MAP3K7CL: variants seen among roughly 807,000 people sequenced by gnomAD.
MAP3K7CL encodes MAP3K7 C-terminal-like protein.
In MAP3K7CL, 16 loss-of-function variants were observed where a neutral mutation model predicts 18.6. The ratio of observed to expected loss-of-function variants is 0.86; its 90% CI spans 0.58 to 1.31. MAP3K7CL has a LOEUF of 1.31. Ranked by LOEUF, MAP3K7CL falls within the 50% of genes most tolerant of loss-of-function variation. The probability of loss-of-function intolerance (pLI) is 0.00; values close to 1 mark genes in which losing one functional copy is unlikely to be tolerated. For synonymous variants in MAP3K7CL, 65 were observed against 66.8 expected (o/e 0.97, Z 0.13); for missense variants, 163 against 174.4 (o/e 0.93, Z 0.37).
At chr21:29,127,427 A>G (rs1042582417), upstream of MAP3K7CL, among the ~76,000 whole-genome samples, 2 of 152,182 alleles carry the variant, frequency 1.3e-5, no homozygotes, top group African/African-American at 4.8e-5. Context: ...CCATGTAGTT[A>G]TTTTGGGTTT....
chr21:29,130,307 C>T (rs1157795986), upstream of MAP3K7CL, among the ~76,000 whole-genome samples: 1 of 152,220 alleles, frequency 6.6e-6, no homozygotes, highest in Non-Finnish European at 1.5e-5. Context: ...AACATGGGCT[C>T]AACCTCAAAC....
At chr21:29,171,457 G>A (rs2087824443) in intron 4 of MAP3K7CL, among the ~76,000 whole-genome samples, 1 of 152,166 alleles carries the variant, frequency 6.6e-6, no homozygotes, top group Admixed American at 6.5e-5. Flanking sequence ...TTTACTCCTT[G>A]TCTTTTTTTC....
chr21:29,134,943 C>T (rs1300321316), intron 2 of MAP3K7CL, among the ~76,000 whole-genome samples: 2 of 151,658 alleles, frequency 1.3e-5, no homozygotes, highest in Non-Finnish European at 2.9e-5. Flanking sequence ...CCCAGCTACT[C>T]GGGAGGCTGA....
intron 4 of MAP3K7CL, among the ~76,000 whole-genome samples, chr21:29,119,517 G>A (rs563954415): frequency 4.6e-5 from 7 of 152,130 alleles, no homozygotes; most frequent in East Asian, 3.9e-4. Flanking sequence ...TTTTATTGTC[G>A]TCCTGAAGGG....
chr21:29,110,126 A>G (rs1167866329), intron 4 of MAP3K7CL, among the ~76,000 whole-genome samples: 1 of 152,112 alleles, frequency 6.6e-6, no homozygotes, highest in Non-Finnish European at 1.5e-5. Context: ...TTCTTTTACT[A>G]TCTTCCATTA....
At chr21:29,157,883 T>G (rs2087446146) in intron 3 of MAP3K7CL, among the ~76,000 whole-genome samples, 1 of 152,222 alleles carries the variant, frequency 6.6e-6, no homozygotes, top group Non-Finnish European at 1.5e-5. Context: ...AAAAGACATA[T>G]CTCCCTTTAC....
intron 4 of MAP3K7CL, among the ~76,000 whole-genome samples, chr21:29,164,693 G>A (rs1476736324): frequency 2.0e-5 from 3 of 152,298 alleles, no homozygotes; most frequent in African/African-American, 7.2e-5. Context: ...CCAATTTAAA[G>A]AATCGCTTCT....
chr21:29,088,395 C>T (rs964027243), intron 1 of MAP3K7CL, among the ~76,000 whole-genome samples: 18 of 152,140 alleles, frequency 1.2e-4, no homozygotes, highest in Non-Finnish European at 1.8e-4. Flanking sequence ...TTACAGATTG[C>T]ATTACATTTT....
At chr21:29,151,438 C>T (rs538730884) in intron 3 of MAP3K7CL, among the ~76,000 whole-genome samples, 13 of 152,142 alleles carry the variant, frequency 8.5e-5, no homozygotes, top group African/African-American at 3.1e-4. Flanking sequence ...CGTACCACTG[C>T]ACTCCAGCCT....
chr21:29,109,544 TTACTC>T lies in MAP3K7CL; in HGVS notation c.370+16968_370+16972del, dbSNP rs753582850. ...TTTGACCAGCAATTCCATAAGTACT[TTACTC>T]TACTGAAATCCATTTTTTGATTTAT... On this transcript the variant is annotated intron_variant, in intron 4 of 6. Coordinates refer to the MAP3K7CL transcript ENST00000286791. The T allele has an allele frequency of 1.0e-4, 104 of 1,037,790 alleles. No homozygotes were observed. The Middle Eastern group carries it at 1.4e-3, about 14-fold the overall frequency. The allele number at this position is 1,037,790 out of a possible 1,614,324, so 64.3% of individuals were successfully genotyped here.
chr21:29,083,871 T>C (rs1169214338), upstream of MAP3K7CL, among the ~76,000 whole-genome samples: 2 of 150,512 alleles, frequency 1.3e-5, no homozygotes, highest in Non-Finnish European at 3.0e-5. Flanking sequence ...TGTGTGTATG[T>C]AATATATATA....
chr21:29,109,724 A>G (rs1368002512), intron 4 of MAP3K7CL: 1 of 985,828 alleles, frequency 1.0e-6, no homozygotes, highest in Non-Finnish European at 1.2e-6. Flanking sequence ...CCTTATACAA[A>G]CAGTTATATC....
At chr21:29,171,640 T>C (rs2087829445) in intron 4 of MAP3K7CL, among the ~76,000 whole-genome samples, 2 of 151,954 alleles carry the variant, frequency 1.3e-5, no homozygotes, top group African/African-American at 4.8e-5. Flanking sequence ...AAACCCCATC[T>C]CTACTAAAAA....
chr21:29,163,000 A>T (rs1441161643), intron 4 of MAP3K7CL, among the ~76,000 whole-genome samples: 2 of 152,130 alleles, frequency 1.3e-5, no homozygotes, highest in Non-Finnish European at 2.9e-5. Context: ...AATCGCAGCT[A>T]CTCAAGAGGC....
chr21:29,133,536 A>G, intron 2 of MAP3K7CL, 122 bp downstream of exon 2: 1 of 594,104 alleles, frequency 1.7e-6, no homozygotes, highest in Non-Finnish European at 2.7e-6. Flanking sequence ...ATGATGGGGA[A>G]TGTGATATTT....
intron 3 of MAP3K7CL, among the ~76,000 whole-genome samples, chr21:29,151,809 C>A (rs1429133188): frequency 6.6e-6 from 1 of 152,154 alleles, no homozygotes; most frequent in Non-Finnish European, 1.5e-5. Flanking sequence ...GGCAATTATC[C>A]AGATAATTTT....
At position 29,146,399 on chromosome 21, in the gene MAP3K7CL, AAGCATAGGTTTT is replaced by A. The variant is rs367854940; in HGVS notation, c.71-2788_71-2777del. The stretch of plus-strand genomic sequence containing the variant: ...ACTTAAGAACAAAATCAGTTTCACA[AAGCATAGGTTTT>A]ATAATGAAGCCTACCTCTAAAGGTT... On this transcript the variant is annotated intron_variant, in intron 2 of 4. Coordinates refer to ENST00000399928, the MANE Select transcript of MAP3K7CL (RefSeq NM_001286620.2). Among the ~76,000 whole-genome samples, 867 of 152,350 alleles carry A rather than the reference AAGCATAGGTTTT, an allele frequency of 5.7e-3. 8 individuals are homozygous for A. The highest frequency in any genetic ancestry group is 0.02 in the African/African-American group (827 of 41,586).
At chr21:29,132,066 A>G (rs1212065163) in intron 1 of MAP3K7CL, among the ~76,000 whole-genome samples, 1 of 152,214 alleles carries the variant, frequency 6.6e-6, no homozygotes. Context: ...TACTGTCTAC[A>G]TGAGAAGGAA....
chr21:29,173,825 C>T (rs1040003449), intron 4 of MAP3K7CL, among the ~76,000 whole-genome samples: 10 of 152,128 alleles, frequency 6.6e-5, no homozygotes, highest in African/African-American at 2.4e-4. Context: ...CCACAGCCTC[C>T]CGAGTAGCTG....
Sources: allele counts gnomAD v4.1 joint callset (sites outside exome capture counted in the v4.1 genomes callset), GRCh38; gene constraint gnomAD v4.1.1; transcripts MANE v1.5; gene names NCBI Gene and HGNC (gene_info 2026-07-23, HGNC 2026-07-21).